The following CCNY variants were observed in gnomAD, a reference collection of about 807,000 sequenced individuals.
The protein encoded by CCNY is cyclin Y.
CCNY carries 19 observed loss-of-function variants against 42.8 expected under a neutral mutation model. That is an observed-to-expected ratio of 0.44 (90% CI 0.31 to 0.65). CCNY has a LOEUF of 0.65. Ranked by LOEUF, CCNY falls within the 30% of genes least tolerant of loss-of-function variation. The pLI is 0.07. For missense variants in CCNY, 370 were observed against 437.3 expected (o/e 0.85, Z 1.37); for synonymous variants, 165 against 162.7 (o/e 1.01, Z -0.11).
At chr10:35,437,062 A>G (rs1838551369) in intron 1 of CCNY, among the ~76,000 whole-genome samples, 1 of 152,200 alleles carries the variant, frequency 6.6e-6, no homozygotes, top group African/African-American at 2.4e-5. Flanking sequence ...CGCTTATAAA[A>G]CCATCAGAAC....
chr10:35,328,852 G>C (rs1439251419), intron 3 of CCNY, among the ~76,000 whole-genome samples: 1 of 152,196 alleles, frequency 6.6e-6, no homozygotes, highest in Non-Finnish European at 1.5e-5. Flanking sequence ...GATTTACCTA[G>C]AAAGGGCCTG....
chr10:35,417,239 C>T (rs997791499), intron 1 of CCNY, among the ~76,000 whole-genome samples: 5 of 152,184 alleles, frequency 3.3e-5, no homozygotes, highest in Non-Finnish European at 5.9e-5. Flanking sequence ...AATCAGTCAT[C>T]TTTGTGGATT....
intron 1 of CCNY, among the ~76,000 whole-genome samples, chr10:35,445,152 T>C (rs1019153984): frequency 6.6e-6 from 1 of 151,894 alleles, no homozygotes; most frequent in Non-Finnish European, 1.5e-5. Flanking sequence ...AGTGGAGGAG[T>C]GTCCCTTAAA....
At chr10:35,383,864 A>C (rs1452875493) in intron 1 of CCNY, among the ~76,000 whole-genome samples, 2 of 152,172 alleles carry the variant, frequency 1.3e-5, no homozygotes, top group Non-Finnish European at 2.9e-5. Flanking sequence ...CCTGGCTTAG[A>C]GTAAAGCAGG....
chr10:35,552,879 G>T, intron 7 of CCNY, 140 bp from the exon 8 acceptor site: 1 of 829,418 alleles, frequency 1.2e-6, no homozygotes, highest in Non-Finnish European at 1.9e-6. Flanking sequence ...TGAGTCATTT[G>T]GCCTTTTAAA....
chr10:35,266,234 TG>T (rs2095725108), intron 3 of CCNY, among the ~76,000 whole-genome samples: 2 of 149,236 alleles, frequency 1.3e-5, no homozygotes, highest in Admixed American at 1.3e-4. Context: ...TGCGCTACCA[TG>T]CCCGGCTAAT....
chr10:35,413,642 A>G (rs1209931168), intron 1 of CCNY, among the ~76,000 whole-genome samples: 1 of 152,144 alleles, frequency 6.6e-6, no homozygotes, highest in Non-Finnish European at 1.5e-5. Context: ...TTTAGAGGGG[A>G]TATTCTTACA....
intron 3 of CCNY, among the ~76,000 whole-genome samples, chr10:35,317,042 T>G (rs1030580354): frequency 2.0e-5 from 3 of 152,226 alleles, no homozygotes; most frequent in African/African-American, 7.2e-5. Context: ...GATGGGGGTT[T>G]CACCATGTTG....
chr10:35,343,624 A>AG (rs200786553), intron 1 of CCNY, among the ~76,000 whole-genome samples: 1,708 of 152,144 alleles, frequency 0.011, 24 homozygotes, highest in East Asian at 0.055. Flanking sequence ...TCCTGACCTC[A>AG]GGTGATCTGC....
At chr10:35,319,322 T>A (rs536191127) in intron 3 of CCNY, among the ~76,000 whole-genome samples, 1 of 152,054 alleles carries the variant, frequency 6.6e-6, no homozygotes, top group African/African-American at 2.4e-5. Flanking sequence ...TGGGGCTGAG[T>A]GAGTTATGAT....
chr10:35,483,218 G>C (rs918019967), intron 1 of CCNY, among the ~76,000 whole-genome samples, 186 bp from the exon 2 acceptor site: 1 of 152,128 alleles, frequency 6.6e-6, no homozygotes, highest in African/African-American at 2.4e-5. Context: ...TTTTATGTAT[G>C]ACTTTCATAT....
At chr10:35,568,777 C>G (rs1056257474) in intron 9 of CCNY, among the ~76,000 whole-genome samples, 1 of 152,258 alleles carries the variant, frequency 6.6e-6, no homozygotes, top group African/African-American at 2.4e-5. Context: ...GGGGAGCCAG[C>G]GTTGACCCTG....
Position 35,442,723 on chromosome 10 carries a change from C to T in CCNY, c.155-40681C>T, listed in dbSNP as rs185404023. Among the ~76,000 whole-genome samples the T allele has an allele frequency of 1.1e-3, 171 of 152,222 alleles. 3 individuals carry two copies. Among genetic ancestry groups the T allele is most frequent in the Admixed American group, 9.3e-3 (142 of 15,298 alleles). On this transcript the variant is annotated intron_variant, in intron 1 of 9. Transcript: ENST00000374704. ...ATAAAGAAACTACTGGGGATGGCTA[C>T]GGGACGGGCTATTGATGTGGTTTGT... is the stretch of plus-strand genomic sequence containing the variant.
At chr10:35,522,181 A>G (rs1840560752) in intron 4 of CCNY, among the ~76,000 whole-genome samples, 1 of 152,202 alleles carries the variant, frequency 6.6e-6, no homozygotes, top group Non-Finnish European at 1.5e-5. Flanking sequence ...TACACTGACA[A>G]GAAAGCAAAG....
At chr10:35,283,591 G>A (rs1835321454) in intron 3 of CCNY, among the ~76,000 whole-genome samples, 1 of 152,106 alleles carries the variant, frequency 6.6e-6, no homozygotes, top group Non-Finnish European at 1.5e-5. Context: ...TTTTAGTAGA[G>A]ATGGGGTTTC....
At chr10:35,416,110 G>A (rs918518648) in intron 1 of CCNY, among the ~76,000 whole-genome samples, 6 of 151,932 alleles carry the variant, frequency 3.9e-5, no homozygotes, top group Non-Finnish European at 5.9e-5. Context: ...ACTGGTACCC[G>A]TGGGGTGCTG....
At chr10:35,307,784 GTGTGTGTGTGTGTGTGTA>G (rs1409854081) in intron 3 of CCNY, among the ~76,000 whole-genome samples, 104 of 80,784 alleles carry the variant, frequency 1.3e-3, no homozygotes, top group Middle Eastern at 5.9e-3. Context: ...GTGTGTGTGT[GTGTGTGTGTGTGTGTGTA>G]TATATATATA....
chr10:35,446,703 G>C (rs1315701391), intron 1 of CCNY, among the ~76,000 whole-genome samples: 1 of 152,156 alleles, frequency 6.6e-6, no homozygotes, highest in East Asian at 1.9e-4. Context: ...TGGCTCACTG[G>C]ATCCTGGATG....
At chr10:35,487,935 T>A (rs1182555740) in intron 2 of CCNY, among the ~76,000 whole-genome samples, 1 of 152,232 alleles carries the variant, frequency 6.6e-6, no homozygotes, top group East Asian at 1.9e-4. Context: ...GTTCCTCATG[T>A]CCTTTCCTTT....
Sources: allele counts gnomAD v4.1 joint callset (sites outside exome capture counted in the v4.1 genomes callset), GRCh38; gene constraint gnomAD v4.1.1; transcripts MANE v1.5; gene names NCBI Gene and HGNC (gene_info 2026-07-23, HGNC 2026-07-21).